CTBP2: variants seen among roughly 807,000 people sequenced by gnomAD.
CTBP2 encodes C-terminal-binding protein 2.
Under a neutral mutation model 80.3 loss-of-function variants are expected in CTBP2, and 30 were observed. The observed-to-expected ratio is 0.37, with a 90% CI of 0.28 to 0.51. The LOEUF (loss-of-function observed/expected upper bound fraction) is 0.51, where lower values mean the gene tolerates loss of function less well. Among genes scored for constraint, CTBP2 ranks in the 20% least tolerant of loss-of-function variants. The pLI, the probability that CTBP2 is intolerant of heterozygous loss-of-function variation, is 0.93. For synonymous variants in CTBP2, 594 were observed against 587.4 expected, an observed-to-expected ratio of 1.01 and a Z score of -0.16; for missense variants, 1,212 against 1,375.3, an observed-to-expected ratio of 0.88 and a Z score of 1.88.
chr10:125,065,223 G>C (rs761033728), intron 2 of CTBP2, among the ~76,000 whole-genome samples: 1 of 152,144 alleles, frequency 6.6e-6, no homozygotes, highest in Non-Finnish European at 1.5e-5. Flanking sequence ...GGGAGGTCCA[G>C]CCATCATCAG....
intron 2 of CTBP2, among the ~76,000 whole-genome samples, chr10:125,079,370 G>A (rs1846831268): frequency 6.6e-6 from 1 of 152,110 alleles, no homozygotes; most frequent in Non-Finnish European, 1.5e-5. Context: ...GGAGGAAAAT[G>A]CTACAGAATA....
In CTBP2 at chr10:125,026,336, C is replaced by T; in HGVS notation, c.1424G>A (p.Gly475Asp). ...TGCCGTGGAGTAGGCTGTTCTGGGG[C>T]CTGGGTGAAGGGGGTTTGAGGGGCC... The change falls in exon 1 of 9, where the codon GGC becomes GAC. Residue 475 changes from glycine (G) to aspartate (D), a missense_variant. Around this residue, in one of 3 missense-constraint regions of CTBP2, gnomAD observed 848 missense variants for 782.3 expected, o/e 1.08. Coordinates refer to ENST00000309035, the MANE Select transcript of CTBP2 (RefSeq NM_022802.3). The T allele has an allele frequency of 1.2e-6, 2 of 1,613,802 alleles. No homozygotes were observed. Among genetic ancestry groups the T allele is most frequent in the Non-Finnish European group, 1.7e-6 (2 of 1,179,948 alleles).
rs1267338820 is a variant in CTBP2 at position 125,027,511 on chromosome 10, C to T, written c.249G>A (p.Lys83=). 1.2e-6 allele frequency: 2 copies of T among 1,614,142 alleles called. No homozygotes were observed. Among genetic ancestry groups the T allele is most frequent in the Admixed American group, 3.3e-5 (2 of 60,018 alleles). The change falls in exon 1 of 9, where the codon AAG becomes AAA. Residue 83 remains lysine (K), a synonymous_variant. Transcript: ENST00000309035. ...AGAAGGTGAAGTCAGGAGTAGACCCCTTTCTTGCAGCCACTGAGTTATAAA... is the reference window on the plus strand; with the variant it reads ...AGAAGGTGAAGTCAGGAGTAGACCCTTTTCTTGCAGCCACTGAGTTATAAA...
In CTBP2 at chr10:125,116,206, A is replaced by AG. The variant is rs112324141; in HGVS notation, c.-205-5114_-205-5113insC. On this transcript the variant is annotated intron_variant, in intron 1 of 10. Transcript: ENST00000337195. ...GCCCAAACCACCGAATGACTGTGCC[A>AG]CAAGGTCCCAAGCAAACTCTGGGGC... Among the ~76,000 whole-genome samples the AG allele has an allele frequency of 6.8e-3, 1,038 of 152,232 alleles. 12 individuals carry two copies. The highest frequency in any genetic ancestry group is 0.023 in the African/African-American group (940 of 41,532).
intron 1 of CTBP2, chr10:125,005,869 G>A: frequency 6.4e-7 from 1 of 1,556,736 alleles, no homozygotes; most frequent in South Asian, 1.2e-5. Flanking sequence ...AGGGGTGCTG[G>A]CAGGATGGTT....
intron 2 of CTBP2, among the ~76,000 whole-genome samples, chr10:125,065,154 C>T (rs369380376): frequency 1.3e-5 from 2 of 152,140 alleles, no homozygotes; most frequent in South Asian, 2.1e-4. Flanking sequence ...ACTGTGGTTG[C>T]GGAGGGGCTG....
chr10:125,049,439 G>A (rs999056415), intron 2 of CTBP2, among the ~76,000 whole-genome samples: 3 of 152,176 alleles, frequency 2.0e-5, no homozygotes, highest in Non-Finnish European at 4.4e-5. Context: ...CCTGAGCTCC[G>A]GTGCCACCTC....
intron 2 of CTBP2, among the ~76,000 whole-genome samples, chr10:125,090,753 C>CAA (rs571042900): frequency 5.0e-5 from 7 of 139,110 alleles, no homozygotes; most frequent in South Asian, 2.3e-4. Context: ...GATCTTGTCT[C>CAA]AAAAAAAAAA....
At chr10:125,070,744 C>A (rs1016934988) in intron 2 of CTBP2, among the ~76,000 whole-genome samples, 1 of 152,048 alleles carries the variant, frequency 6.6e-6, no homozygotes, top group African/African-American at 2.4e-5. Context: ...CAGCTCACTG[C>A]AGCCTCCGCT....
At chr10:125,108,163 G>A (rs184062599) in intron 2 of CTBP2, among the ~76,000 whole-genome samples, 5 of 152,320 alleles carry the variant, frequency 3.3e-5, no homozygotes, top group African/African-American at 1.2e-4. Flanking sequence ...ACATGCATCC[G>A]ATCTAAATTT....
chr10:125,022,927 G>A (rs377675895), intron 1 of CTBP2, among the ~76,000 whole-genome samples: 7 of 152,342 alleles, frequency 4.6e-5, no homozygotes, highest in African/African-American at 1.7e-4. Context: ...GGCCGATGGC[G>A]GCGACCCTCT....
At chr10:125,037,045 C>T (rs575975189) in intron 3 of CTBP2, among the ~76,000 whole-genome samples, 15 of 152,256 alleles carry the variant, frequency 9.9e-5, no homozygotes, top group East Asian at 3.9e-4. Context: ...GGCCTGTCTG[C>T]GTTGATAGTT....
intron 1 of CTBP2, among the ~76,000 whole-genome samples, chr10:125,140,315 G>A (rs1424509563): frequency 2.0e-5 from 3 of 151,902 alleles, no homozygotes; most frequent in South Asian, 2.1e-4. Context: ...AAGATGCACC[G>A]AGATCACGGG....
rs1957708156 is a variant in CTBP2 at position 125,027,166 on chromosome 10, A to T, written c.594T>A (p.Tyr198Ter). Reference sequence around the variant, plus strand: ...GGGGGTAGGCAGGCACCTCCGCCCCATACCTGGTGTCGGGCTGCTCCCGTC... The same window carrying T: ...GGGGGTAGGCAGGCACCTCCGCCCCTTACCTGGTGTCGGGCTGCTCCCGTC... Residue 198 changes from tyrosine (Y) to a stop codon, truncating the protein, a stop_gained, in exon 1 of 9, where the codon TAT becomes TAA. Coordinates refer to ENST00000309035, the MANE Select transcript of CTBP2 (RefSeq NM_022802.3). LOFTEE classifies it high-confidence loss of function. 6.2e-7 allele frequency: 1 copy of T among 1,605,402 alleles called. No homozygotes were observed. The highest frequency in any genetic ancestry group is 2.2e-5 in the East Asian group (1 of 44,614).
rs766326338 is a variant in CTBP2 at position 124,994,449 on chromosome 10, G to A, written c.2400+20C>T. 1.9e-6 allele frequency: 3 copies of A among 1,610,818 alleles called. No homozygotes were observed. In the South Asian group the frequency reaches 3.3e-5, roughly 18 times the overall value. ...ACCACCTTTCGACAGAAGCTTCCAT[G>A]GCATCTATTTTCAAATTACCTGCTT... On this transcript the variant is annotated intron_variant, in intron 5 of 8. Transcript: ENST00000309035.
At position 124,994,484 on chromosome 10, in the gene CTBP2, G is replaced by T. The variant is rs1234291902; in HGVS notation, c.2385C>A (p.Asp795Glu). 6.2e-7 allele frequency: 1 copy of T among 1,613,850 alleles called. No homozygotes were observed. The highest frequency in any genetic ancestry group is 1.7e-5 in the Admixed American group (1 of 60,002). Residue 795 changes from aspartate to glutamate, a missense_variant, in exon 5 of 9, where the codon GAC (aspartate) becomes GAA (glutamate). Asp to Glu is a conservative substitution (Grantham distance 45, BLOSUM62 2). Transcript: ENST00000309035. Reference sequence around the variant, plus strand: ...TTCAAATTACCTGCTTTATGGTAAAGTCATTGATGAGGTGGTGGTTATGTT... The same window carrying T: ...TTCAAATTACCTGCTTTATGGTAAATTCATTGATGAGGTGGTGGTTATGTT...
intron 2 of CTBP2, among the ~76,000 whole-genome samples, chr10:125,057,024 G>A (rs371818577): frequency 1.8e-4 from 28 of 152,336 alleles, no homozygotes; most frequent in Middle Eastern, 3.4e-3. Context: ...GCCCCCAGCC[G>A]GGGAAGCATG....
chr10:125,054,157 C>T lies in CTBP2; in HGVS notation c.-101-15002G>A, dbSNP rs532914382. 3.3e-5 allele frequency among the ~76,000 whole-genome samples: 5 copies of T among 152,298 alleles called. No individual in the cohort carries two copies. The East Asian group carries it at 9.7e-4, about 29-fold the overall frequency. Reference sequence around the variant, plus strand: ...CCCTGAATAAGGCAGATCCCATCTACACTGTGGATGCCAGAAAAAGAATCA... The same window carrying T: ...CCCTGAATAAGGCAGATCCCATCTATACTGTGGATGCCAGAAAAAGAATCA... On this transcript the variant is annotated intron_variant, in intron 2 of 10. Transcript: ENST00000337195.
chr10:125,126,907 G>A (rs973130047), intron 1 of CTBP2, among the ~76,000 whole-genome samples: 8 of 148,216 alleles, frequency 5.4e-5, no homozygotes, highest in African/African-American at 1.5e-4. Context: ...CACCACACAC[G>A]TGCATACACA....
Sources: allele counts gnomAD v4.1 joint callset (sites outside exome capture counted in the v4.1 genomes callset), GRCh38; gene constraint gnomAD v4.1.1; regional missense constraint gnomAD v4.1.1; transcripts MANE v1.5; gene names NCBI Gene and HGNC (gene_info 2026-07-23, HGNC 2026-07-21).